The following PCDHGA8 variants were observed in gnomAD, a reference collection of about 807,000 sequenced individuals.
PCDHGA8 encodes the protein protocadherin gamma-A8.
Under a neutral mutation model 59.2 loss-of-function variants are expected in PCDHGA8, and 45 were observed. The observed-to-expected ratio is 0.76, with a 90% CI of 0.60 to 0.98. The LOEUF is 0.98. Among genes scored for constraint, PCDHGA8 ranks in the 50% least tolerant of loss-of-function variants. The pLI is 0.00. For synonymous variants in PCDHGA8, 531 were observed against 519.0 expected, an observed-to-expected ratio of 1.02 and a Z score of -0.32; for missense variants, 1,257 against 1,196.2, an observed-to-expected ratio of 1.05 and a Z score of -0.75.
chr5:141,501,331 A>ACC (rs906542724), intron 2 of PCDHGA8, among the ~76,000 whole-genome samples: 1 of 138,846 alleles, frequency 7.2e-6, no homozygotes, highest in Non-Finnish European at 1.6e-5. Flanking sequence ...ACACACACAC[A>ACC]CACCCCAAAC....
At chr5:141,438,571 TATACATACATAC>T (rs1212381177) in intron 1 of PCDHGA8, among the ~76,000 whole-genome samples, 4 of 94,544 alleles carry the variant, frequency 4.2e-5, no homozygotes, top group African/African-American at 9.7e-5. Context: ...AGCTGTCTGA[TATACATACATAC>T]ATACATACAT....
chr5:141,475,899 T>A, intron 1 of PCDHGA8: 1 of 574,766 alleles, frequency 1.7e-6, no homozygotes. Flanking sequence ...TGTGTGCCGC[T>A]GTCGGCCAAT....
intron 1 of PCDHGA8, chr5:141,398,933 A>C: frequency 1.2e-6 from 2 of 1,614,010 alleles, no homozygotes; most frequent in Non-Finnish European, 1.7e-6. Context: ...GCCACTGACC[A>C]AGACGAGGGC....
At chr5:141,461,963 C>T (rs1396490046) in intron 1 of PCDHGA8, among the ~76,000 whole-genome samples, 1 of 152,084 alleles carries the variant, frequency 6.6e-6, no homozygotes, top group Non-Finnish European at 1.5e-5. Flanking sequence ...AGCTGGGATT[C>T]CAGGCATATG....
At chr5:141,415,700 A>G (rs1213224503) in intron 1 of PCDHGA8, 1 of 1,515,570 alleles carries the variant, frequency 6.6e-7, no homozygotes, top group East Asian at 2.5e-5. Flanking sequence ...GAAAGTGTAA[A>G]TGCTAAAACA....
intron 1 of PCDHGA8, among the ~76,000 whole-genome samples, chr5:141,425,336 G>A (rs2096868804): frequency 6.6e-6 from 1 of 152,182 alleles, no homozygotes; most frequent in South Asian, 2.1e-4. Flanking sequence ...CAAAAAGGAA[G>A]GGTTGGCTTT....
intron 3 of PCDHGA8, chr5:141,507,291 T>A (rs956764262): frequency 3.4e-5 from 5 of 147,704 alleles, no homozygotes; most frequent in African/African-American, 5.1e-5. Flanking sequence ...CAGTCTCAAA[T>A]GTTGCATGAG....
chr5:141,492,464 C>G (rs1595116794), intron 1 of PCDHGA8, among the ~76,000 whole-genome samples: 1 of 152,354 alleles, frequency 6.6e-6, no homozygotes, highest in Non-Finnish European at 1.5e-5. Context: ...GCCTGAGGGT[C>G]CCAGATCGCG....
At chr5:141,429,329 A>G (rs1561840804) in intron 1 of PCDHGA8, among the ~76,000 whole-genome samples, 1 of 152,122 alleles carries the variant, frequency 6.6e-6, no homozygotes, top group Non-Finnish European at 1.5e-5. Flanking sequence ...TCTTTAATCC[A>G]TTAACTATAA....
intron 1 of PCDHGA8, among the ~76,000 whole-genome samples, chr5:141,488,613 A>C (rs1214413025): frequency 1.3e-5 from 2 of 152,158 alleles, no homozygotes; most frequent in Non-Finnish European, 2.9e-5. Flanking sequence ...GTTCTTACTA[A>C]TCTTTTCTCT....
Position 141,432,097 on chromosome 5 carries a change from C to T in PCDHGA8, c.2424+36860C>T, listed in dbSNP as rs1428283489. The stretch of plus-strand genomic sequence containing the variant: ...TCTCGCTGAACGTGGCAGACACCAA[C>T]GACAACCCGCCGGTCTTCCCTCAGG... On this transcript the variant is annotated intron_variant, in intron 1 of 3. Transcript: ENST00000398604. This position sits in a 1 kb window ranked among gnomAD's most constrained non-coding sequence, Gnocchi z 6.0. 6 of 1,614,066 alleles carry T rather than the reference C, an allele frequency of 3.7e-6. No individual in the cohort carries two copies. The highest frequency in any genetic ancestry group is 2.7e-5 in the African/African-American group (2 of 74,920).
rs762138055 is a variant in PCDHGA8, at chr5:141,490,757, T to C, written c.2425-4050T>C. 6.2e-7 allele frequency: 1 copy of C among 1,613,918 alleles called. No homozygotes were observed. The highest frequency in any genetic ancestry group is 2.2e-5 in the East Asian group (1 of 44,892). On this transcript the variant is annotated intron_variant, in intron 1 of 3. Coordinates refer to ENST00000398604, the MANE Select transcript of PCDHGA8 (RefSeq NM_032088.2). The surrounding 1 kb of genome is among the most constrained non-coding windows in gnomAD (Gnocchi z 5.4). ...GTTCAGGGAGCCCCAGCCTCCTCCT[T>C]TGTGTATGTCAACCCAGAGGATGGA...
At chr5:141,471,185 A>G (rs58340688) in intron 1 of PCDHGA8, 16,257 of 151,174 alleles carry the variant, frequency 0.11, 890 homozygotes, top group South Asian at 0.15. Context: ...TAGTAGCTGG[A>G]ATTACAGGCA....
intron 1 of PCDHGA8, chr5:141,419,926 G>T: frequency 6.2e-7 from 1 of 1,614,096 alleles, no homozygotes; most frequent in South Asian, 1.1e-5. Flanking sequence ...CTGAGATGCA[G>T]TTTTACCTGG....
chr5:141,407,505 T>TTTTTTTTTTTTTTTTTTTTTTTTTTGAG (rs1460306566), intron 1 of PCDHGA8, among the ~76,000 whole-genome samples: 1 of 152,146 alleles, frequency 6.6e-6, no homozygotes, highest in Non-Finnish European at 1.5e-5. Context: ...CTGTTTTTCT[T>TTTTTTTTTTTTTTTTTTTTTTTTTTGAG]AGGCTATGTA....
chr5:141,486,416 C>T lies in PCDHGA8; in HGVS notation c.2425-8391C>T, dbSNP rs2154580601. The T allele has an allele frequency of 6.2e-7, 1 of 1,614,152 alleles. No individual in the cohort carries two copies. The highest frequency in any genetic ancestry group is 8.5e-7 in the Non-Finnish European group (1 of 1,180,016). On this transcript the variant is annotated intron_variant, in intron 1 of 3. Coordinates refer to ENST00000398604, the MANE Select transcript of PCDHGA8 (RefSeq NM_032088.2). This position sits in a 1 kb window ranked among gnomAD's most constrained non-coding sequence, Gnocchi z 5.0. ...CCTGGTGACTGCTGGACCCTTGGAT[C>T]GAGAGGCCAAATCTAGCTATGACAT...
intron 1 of PCDHGA8, chr5:141,395,454 C>T (rs75588357): frequency 0.043 from 25,805 of 605,332 alleles, 669 homozygotes; most frequent in South Asian, 0.075. Flanking sequence ...ATTGTTCAAC[C>T]ATTTTAAGCC....
At chr5:141,496,928 G>A (rs2099772685) in intron 2 of PCDHGA8, among the ~76,000 whole-genome samples, 1 of 151,334 alleles carries the variant, frequency 6.6e-6, no homozygotes, top group Non-Finnish European at 1.5e-5. Context: ...GTTCACGCCT[G>A]TAATCCCAGC....
chr5:141,464,260 G>A (rs546781463), intron 1 of PCDHGA8, among the ~76,000 whole-genome samples: 1 of 131,668 alleles, frequency 7.6e-6, no homozygotes, highest in Non-Finnish European at 1.6e-5. Flanking sequence ...GCGAGACTCC[G>A]TCTAAAAAAA....
Sources: gnomAD v4.1 joint callset for allele counts (sites outside exome capture counted in the v4.1 genomes callset) on GRCh38, gnomAD v4.1.1 for gene constraint, Gnocchi (gnomAD v3.1) non-coding constraint, MANE v1.5 for transcripts, NCBI Gene and HGNC (gene_info 2026-07-23, HGNC 2026-07-21) for gene names.